ELOVL4: variants seen among roughly 807,000 people sequenced by gnomAD.
ELOVL4 encodes the protein ELOVL fatty acid elongase 4, also known as very long chain fatty acid elongase 4.
Under a neutral mutation model 42.1 loss-of-function variants are expected in ELOVL4, and 18 were observed. The observed-to-expected ratio is 0.43, with a 90% CI of 0.30 to 0.63. The LOEUF (loss-of-function observed/expected upper bound fraction) is 0.63. Ranked by LOEUF, ELOVL4 falls within the 30% of genes least tolerant of loss-of-function variation. ELOVL4 has a pLI of 0.15. For synonymous variants in ELOVL4, 117 were observed against 127.0 expected (o/e 0.92, Z 0.53); for missense variants, 299 against 376.2 (o/e 0.79, Z 1.70).
At position 79,942,414 on chromosome 6, in the gene ELOVL4, T is replaced by C. The variant is rs147656190; in HGVS notation, c.100+4766A>G. Reference sequence around the variant, plus strand: ...AAAAAACATCTAAAGTGAAAAAAGATAGACTGTTACACTACTCATTTCGGT... The same window carrying C: ...AAAAAACATCTAAAGTGAAAAAAGACAGACTGTTACACTACTCATTTCGGT... On this transcript the variant is annotated intron_variant, in intron 1 of 5. Coordinates refer to ENST00000369816, the MANE Select transcript of ELOVL4 (RefSeq NM_022726.4). 6.9e-4 allele frequency among the ~76,000 whole-genome samples: 105 copies of C among 152,274 alleles called. 1 individual carries two copies. In the South Asian group the frequency reaches 8.1e-3, roughly 12 times the overall value.
intron 1 of ELOVL4, among the ~76,000 whole-genome samples, chr6:79,941,534 T>C (rs890173344): frequency 3.3e-5 from 5 of 152,156 alleles, no homozygotes; most frequent in Admixed American, 1.3e-4. Context: ...GGCAACTGAA[T>C]TAATGACCAA....
At position 79,914,914 on chromosome 6, in the gene ELOVL4, T is replaced by A. The variant is rs1278939861; in HGVS notation, c.*1694A>T. The A allele has an allele frequency of 1.3e-5, 2 of 152,568 alleles. No individual in the cohort carries two copies. The highest frequency in any genetic ancestry group is 2.4e-5 in the African/African-American group (1 of 41,454). 9.5% of individuals were successfully genotyped at this position (152,568 alleles called of 1,614,324 possible). A position where few individuals can be genotyped will look rare whatever the true frequency, so the allele number is the denominator to read the frequency against. The stretch of plus-strand genomic sequence containing the variant: ...CAGAATGTTCACAAAGATTTACAAA[T>A]CTCAGTCATTACACACTGAGCAACA... On this transcript the variant is annotated 3_prime_UTR_variant, in exon 6 of 6. Coordinates refer to ENST00000369816, the MANE Select transcript of ELOVL4 (RefSeq NM_022726.4).
rs79072468 is a variant in ELOVL4 at position 79,932,768 on chromosome 6, G to A, written c.101-6387C>T. On this transcript the variant is annotated intron_variant, in intron 1 of 5. Transcript: ENST00000369816. Reference sequence around the variant, plus strand: ...ATCTCTCAATGCTCAACTAGCAGAGGAAGAGACAGACATGAGAATTCAACT... The same window carrying A: ...ATCTCTCAATGCTCAACTAGCAGAGAAAGAGACAGACATGAGAATTCAACT... Among the ~76,000 whole-genome samples, 714 of 152,288 alleles carry A rather than the reference G, an allele frequency of 4.7e-3. 9 individuals carry two copies. Among genetic ancestry groups the A allele is most frequent in the African/African-American group, 0.016 (680 of 41,558 alleles).
At chr6:79,928,735 T>TTTTTTG (rs1774391010) in intron 1 of ELOVL4, among the ~76,000 whole-genome samples, 1 of 138,332 alleles carries the variant, frequency 7.2e-6, no homozygotes, top group Non-Finnish European at 1.5e-5. Context: ...GGGTTTTTTT[T>TTTTTTG]TTTTTTTTTT....
chr6:79,916,980 T>A lies in ELOVL4; in HGVS notation c.670-97A>T, dbSNP rs114456187. ...TCTACATAGCTATCACAGGCCCAAA[T>A]TTTGCCACACTGTGCAAAATTTATT... On this transcript the variant is annotated intron_variant, in intron 5 of 5. Coordinates refer to ENST00000369816, the MANE Select transcript of ELOVL4 (RefSeq NM_022726.4). The A allele has an allele frequency of 3.7e-4, 534 of 1,462,934 alleles. 2 individuals are homozygous for A. In the African/African-American group the frequency reaches 6.6e-3, roughly 18 times the overall value. The allele number at this position is 1,462,934 out of a possible 1,614,324, so 90.6% of individuals were successfully genotyped here. A position where few individuals can be genotyped will look rare whatever the true frequency, so the allele number is the denominator to read the frequency against.
intron 1 of ELOVL4, among the ~76,000 whole-genome samples, chr6:79,942,840 C>A (rs1221107686): frequency 1.3e-5 from 2 of 152,082 alleles, no homozygotes; most frequent in Non-Finnish European, 2.9e-5. Context: ...CACCAAAAAT[C>A]AAACTGTGGT....
chr6:79,932,767 G>A (rs1774469684), intron 1 of ELOVL4, among the ~76,000 whole-genome samples: 1 of 152,152 alleles, frequency 6.6e-6, no homozygotes, highest in African/African-American at 2.4e-5. Context: ...AACTAGCAGA[G>A]GAAGAGACAG....
chr6:79,928,821 C>A (rs1180547844), intron 1 of ELOVL4, among the ~76,000 whole-genome samples: 1 of 147,736 alleles, frequency 6.8e-6, no homozygotes, highest in Non-Finnish European at 1.5e-5. Flanking sequence ...CTCACTGCAG[C>A]CTCCACCTCC....
chr6:79,939,331 T>G (rs546777615), intron 1 of ELOVL4, among the ~76,000 whole-genome samples: 1 of 152,262 alleles, frequency 6.6e-6, no homozygotes, highest in Non-Finnish European at 1.5e-5. Flanking sequence ...ATCTTAATCA[T>G]TTTTAAGTGT....
intron 5 of ELOVL4, 65 bp downstream of exon 5, chr6:79,919,355 A>C: frequency 6.3e-7 from 1 of 1,575,282 alleles, no homozygotes; most frequent in East Asian, 2.2e-5. Context: ...TTGCACTTTA[A>C]AATTAATCAA....
At chr6:79,939,064 A>G (rs934703639) in intron 1 of ELOVL4, among the ~76,000 whole-genome samples, 1 of 152,244 alleles carries the variant, frequency 6.6e-6, no homozygotes, top group Non-Finnish European at 1.5e-5. Flanking sequence ...TTGTAAAACC[A>G]TAAAGCAAAA....
At chr6:79,917,194 C>A (rs1037442261) in intron 5 of ELOVL4, among the ~76,000 whole-genome samples, 2 of 152,046 alleles carry the variant, frequency 1.3e-5, no homozygotes, top group Admixed American at 1.3e-4. Context: ...TTCTTTATTG[C>A]CTATCTTTCC....
At chr6:79,947,139 C>T (rs775193124) in intron 1 of ELOVL4, 41 bp downstream of exon 1, 3 of 1,545,028 alleles carry the variant, frequency 1.9e-6, no homozygotes, top group Non-Finnish European at 2.7e-6. Context: ...GGTGACCCCC[C>T]GCGGGGGACC....
At chr6:79,928,835 G>A (rs1233984799) in intron 1 of ELOVL4, among the ~76,000 whole-genome samples, 1 of 148,442 alleles carries the variant, frequency 6.7e-6, no homozygotes, top group Non-Finnish European at 1.5e-5. Flanking sequence ...CACCTCCAGG[G>A]CTCAAGTGAT....
intron 2 of ELOVL4, 33 bp downstream of exon 2, chr6:79,926,161 T>C (rs780979156): frequency 6.3e-7 from 1 of 1,580,496 alleles, no homozygotes; most frequent in Non-Finnish European, 8.7e-7. Context: ...CCAATAACCT[T>C]GGAAAATTAT....
chr6:79,925,338 T>C (rs1423249028), intron 2 of ELOVL4, among the ~76,000 whole-genome samples: 2 of 152,318 alleles, frequency 1.3e-5, no homozygotes, highest in Non-Finnish European at 2.9e-5. Context: ...AAAGTTGTCC[T>C]ACCTTAACTG....
chr6:79,929,265 G>C (rs184365738), intron 1 of ELOVL4, among the ~76,000 whole-genome samples: 8 of 152,046 alleles, frequency 5.3e-5, no homozygotes, highest in Non-Finnish European at 7.4e-5. Flanking sequence ...TTTTGAGACA[G>C]AGTCTCGTTG....
rs1478159717 is a variant in ELOVL4 at position 79,919,927 on chromosome 6, CTTAT to C, written c.542-384_542-381del. Among the ~76,000 whole-genome samples, 12 of 152,230 alleles carry C rather than the reference CTTAT, an allele frequency of 7.9e-5. No homozygotes were observed. The East Asian group carries it at 9.6e-4, about 12-fold the overall frequency. ...TATATATATCTGCAACAAAACAGTACTTATTTCTTAGGTTTCTAAATAGTTTAAA... is the reference window on the plus strand; with the variant it reads ...TATATATATCTGCAACAAAACAGTACTTCTTAGGTTTCTAAATAGTTTAAA... On this transcript the variant is annotated intron_variant, in intron 4 of 5. Transcript: ENST00000369816.
chr6:79,921,698 G>T lies in ELOVL4; in HGVS notation c.468C>A (p.Phe156Leu), dbSNP rs564561699. Residue 156 changes from phenylalanine (F) to leucine (L), a missense_variant, in exon 4 of 6, where the codon TTC becomes TTA. Physicochemically the swap from Phe to Leu is conservative, Grantham distance 22. Coordinates refer to ENST00000369816, the MANE Select transcript of ELOVL4 (RefSeq NM_022726.4). ...TCGTACAGTGATGATACACATGAAG[G>T]AAAGAAACTTGGTTGTTTTTCTTTC... ...ILRKKNNQVS[F>L]LHVYHHCTMF... The T allele has an allele frequency of 1.9e-6, 3 of 1,613,924 alleles. No individual in the cohort carries two copies. Among genetic ancestry groups the T allele is most frequent in the African/African-American group, 2.7e-5 (2 of 74,984 alleles).
Sources: gnomAD v4.1 joint callset for allele counts (sites outside exome capture counted in the v4.1 genomes callset) on GRCh38, gnomAD v4.1.1 for gene constraint, MANE v1.5 for transcripts, NCBI Gene and HGNC (gene_info 2026-07-23, HGNC 2026-07-21) for gene names.